Variants in PDZD2 observed in about 807,000 individuals in gnomAD.
PDZD2 encodes PDZ domain containing 2.
In PDZD2, 90 loss-of-function variants were observed where a neutral mutation model predicts 220.7. The observed-to-expected ratio is 0.41, with a 90% CI of 0.34 to 0.49. PDZD2 has a LOEUF of 0.49. PDZD2 is among the 20% of genes least tolerant of loss of function. The probability of loss-of-function intolerance (pLI) is 0.28; values close to 1 mark genes in which losing one functional copy is unlikely to be tolerated. For missense variants in PDZD2, 3,174 were observed against 3,608.5 expected (o/e 0.88, Z 3.08); for synonymous variants, 1,375 against 1,450.5 (o/e 0.95, Z 1.18).
chr5:31,855,385 C>CG (rs756712482), intron 2 of PDZD2, among the ~76,000 whole-genome samples: 1 of 152,172 alleles, frequency 6.6e-6, no homozygotes, highest in Non-Finnish European at 1.5e-5. Context: ...TTGTGTTCCT[C>CG]GGGAGGAGTA....
intron 2 of PDZD2, among the ~76,000 whole-genome samples, chr5:31,800,067 A>G (rs1754304369): frequency 6.6e-6 from 1 of 151,998 alleles, no homozygotes; most frequent in African/African-American, 2.4e-5. Context: ...TTTTCTACCC[A>G]CACGGCCACC....
intron 14 of PDZD2, among the ~76,000 whole-genome samples, chr5:32,062,268 A>T (rs1739758497): frequency 6.6e-6 from 1 of 152,230 alleles, no homozygotes; most frequent in South Asian, 2.1e-4. Flanking sequence ...TTTTGCTTCC[A>T]TCAAAGTTGG....
At chr5:32,032,707 GA>G (rs1561399449) in intron 6 of PDZD2, among the ~76,000 whole-genome samples, 1 of 152,172 alleles carries the variant, frequency 6.6e-6, no homozygotes, top group African/African-American at 2.4e-5. Context: ...GAAATCAGGA[GA>G]AATCTGCCAC....
At chr5:31,727,565 T>G (rs896988245) in intron 1 of PDZD2, among the ~76,000 whole-genome samples, 2 of 151,192 alleles carry the variant, frequency 1.3e-5, no homozygotes, top group African/African-American at 2.4e-5. Context: ...CCGGACATGG[T>G]GGTGGGCACC....
intron 2 of PDZD2, among the ~76,000 whole-genome samples, chr5:31,944,875 G>A (rs1746499262): frequency 6.6e-6 from 1 of 152,256 alleles, no homozygotes; most frequent in South Asian, 2.1e-4. Flanking sequence ...GTGCGCAGCA[G>A]CTGCTTGCCT....
intron 2 of PDZD2, among the ~76,000 whole-genome samples, chr5:31,961,775 C>G (rs1401026869): frequency 2.6e-5 from 4 of 152,180 alleles, no homozygotes; most frequent in Admixed American, 1.3e-4. Context: ...TCCTAACTAG[C>G]TGGGATTATA....
intron 2 of PDZD2, among the ~76,000 whole-genome samples, chr5:31,973,013 C>T (rs1307527516): frequency 6.6e-6 from 1 of 152,248 alleles, no homozygotes; most frequent in Non-Finnish European, 1.5e-5. Flanking sequence ...GGGCCAGTAT[C>T]TCTGCAGTAC....
chr5:31,934,923 C>T (rs1745590062), intron 2 of PDZD2, among the ~76,000 whole-genome samples: 1 of 151,878 alleles, frequency 6.6e-6, no homozygotes, highest in African/African-American at 2.4e-5. Flanking sequence ...CCCATCTCTA[C>T]TAAAAATACA....
At chr5:31,805,321 T>TTGAATGTTCTCAAGTGTTC (rs1424590165) in intron 2 of PDZD2, among the ~76,000 whole-genome samples, 1 of 152,228 alleles carries the variant, frequency 6.6e-6, no homozygotes, top group East Asian at 1.9e-4. Context: ...TGAAAGTGTT[T>TTGAATGTTCTCAAGTGTTC]TGAATGTTCT....
At chr5:31,857,363 T>C (rs1210600350) in intron 2 of PDZD2, among the ~76,000 whole-genome samples, 1 of 152,160 alleles carries the variant, frequency 6.6e-6, no homozygotes, top group Non-Finnish European at 1.5e-5. Context: ...TCATGTAGCA[T>C]CCCGTGTGTT....
At chr5:32,073,755 T>G in intron 17 of PDZD2, 77 bp from the exon 18 acceptor site, 1 of 887,340 alleles carries the variant, frequency 1.1e-6, no homozygotes, top group East Asian at 2.4e-5. Flanking sequence ...TTATGTGTAA[T>G]GATGGGGTCA....
intron 1 of PDZD2, among the ~76,000 whole-genome samples, chr5:31,685,247 T>A (rs1746806106): frequency 1.3e-5 from 2 of 152,292 alleles, no homozygotes; most frequent in African/African-American, 4.8e-5. Flanking sequence ...CTTGTTGGTA[T>A]TTTAATTGGG....
intron 2 of PDZD2, among the ~76,000 whole-genome samples, chr5:31,947,479 C>T (rs1049389336): frequency 9.2e-5 from 14 of 152,084 alleles, no homozygotes; most frequent in Non-Finnish European, 1.5e-5. Flanking sequence ...TCAACTTCAC[C>T]GTCTATAAAA....
At position 32,090,286 on chromosome 5, in the gene PDZD2, G is replaced by A. The variant is rs751690710; in HGVS notation, c.6838G>A (p.Val2280Ile). 1.8e-5 allele frequency: 29 copies of A among 1,614,104 alleles called. No homozygotes were observed. The Admixed American group carries it at 3.3e-4, about 19-fold the overall frequency. ...GGCTAATGGACAGGGCATATATAGT[G>A]TAAAGCCGCTGCTGGACACATCGAG... ...SLANGQGIYS[V>I]KPLLDTSRNL... Residue 2280 changes from valine (V) to isoleucine (I), a missense_variant, in exon 20 of 25, where the codon GTA becomes ATA. Physicochemically the swap from Val to Ile is conservative, Grantham distance 29. Transcript: ENST00000438447. The surrounding 1 kb of genome is among the most constrained non-coding windows in gnomAD (Gnocchi z 4.3).
chr5:31,923,617 C>A lies in PDZD2; in HGVS notation c.477-59538C>A. On this transcript the variant is annotated intron_variant, in intron 2 of 24. Transcript: ENST00000438447. ...GCTCTGGCTCGGATAAGAGATGGGA[C>A]ATCATTCAGTCACTAGTTGGATGGC... is the stretch of plus-strand genomic sequence containing the variant. 4 of 732,166 alleles carry A rather than the reference C, an allele frequency of 5.5e-6. No homozygotes were observed. In the East Asian group the frequency reaches 1.1e-4, roughly 20 times the overall value. The allele number at this position is 732,166 out of a possible 1,614,324, so 45.4% of individuals were successfully genotyped here.
At chr5:31,732,873 C>T (rs923240938) in intron 1 of PDZD2, among the ~76,000 whole-genome samples, 1 of 152,050 alleles carries the variant, frequency 6.6e-6, no homozygotes, top group Non-Finnish European at 1.5e-5. Context: ...GGATTACAGG[C>T]AGGAGCCACC....
chr5:31,902,022 A>C (rs571512652), intron 2 of PDZD2, among the ~76,000 whole-genome samples: 1 of 152,218 alleles, frequency 6.6e-6, no homozygotes, highest in Non-Finnish European at 1.5e-5. Flanking sequence ...CATTTTGGCT[A>C]TCGTAAATAA....
intron 6 of PDZD2, among the ~76,000 whole-genome samples, chr5:32,031,714 ATTTC>A (rs1355438655): frequency 6.6e-6 from 1 of 152,050 alleles, no homozygotes; most frequent in Non-Finnish European, 1.5e-5. Flanking sequence ...GGGCCTTTTT[ATTTC>A]TTTAATTTCG....
Position 31,895,501 on chromosome 5 carries a change from A to G in PDZD2, c.477-87654A>G, listed in dbSNP as rs114584472. 4.9e-3 allele frequency among the ~76,000 whole-genome samples: 739 copies of G among 152,252 alleles called. 7 individuals carry two copies. Among genetic ancestry groups the G allele is most frequent in the African/African-American group, 0.016 (678 of 41,568 alleles). ...CCAGAACTGTGAGAAATACATTTCTACTGTTCATAAGCTACCCAGCCTATG... is the reference window on the plus strand; with the variant it reads ...CCAGAACTGTGAGAAATACATTTCTGCTGTTCATAAGCTACCCAGCCTATG... On this transcript the variant is annotated intron_variant, in intron 2 of 24. Coordinates refer to ENST00000438447, the MANE Select transcript of PDZD2 (RefSeq NM_178140.4).
Sources: gnomAD v4.1 joint callset for allele counts (sites outside exome capture counted in the v4.1 genomes callset) on GRCh38, gnomAD v4.1.1 for gene constraint, Gnocchi (gnomAD v3.1) non-coding constraint, MANE v1.5 for transcripts, NCBI Gene and HGNC (gene_info 2026-07-23, HGNC 2026-07-21) for gene names.